Variants in TBC1D32 observed in about 807,000 individuals in gnomAD.
TBC1D32 encodes the protein protein broad-minded.
Under a neutral mutation model 170.3 loss-of-function variants are expected in TBC1D32, and 151 were observed. The observed-to-expected ratio is 0.89, with a 90% CI of 0.78 to 1.01. TBC1D32 has a LOEUF of 1.01. TBC1D32 is among the 50% of genes least tolerant of loss of function. The pLI is 0.00. For synonymous variants in TBC1D32, 498 were observed against 488.0 expected (o/e 1.02, Z -0.27); for missense variants, 1,464 against 1,457.1 (o/e 1.00, Z -0.08).
intron 3 of TBC1D32, among the ~76,000 whole-genome samples, chr6:121,315,918 T>C (rs1054072624): frequency 2.0e-5 from 3 of 152,136 alleles, no homozygotes; most frequent in African/African-American, 4.8e-5. Flanking sequence ...ATACCATGCC[T>C]TCTTGATGGG....
intron 3 of TBC1D32, among the ~76,000 whole-genome samples, chr6:121,314,052 T>C (rs1318782342): frequency 6.6e-6 from 1 of 152,030 alleles, no homozygotes; most frequent in African/African-American, 2.4e-5. Context: ...TCAAGAAAAA[T>C]CTTACTGGAA....
chr6:121,212,541 G>C (rs957876590), intron 21 of TBC1D32, among the ~76,000 whole-genome samples: 11 of 141,832 alleles, frequency 7.8e-5, no homozygotes, highest in Non-Finnish European at 1.5e-4. Flanking sequence ...TGCAATCTCT[G>C]CCTCCCAGGT....
At chr6:121,144,207 T>C (rs1330412123) in intron 24 of TBC1D32, among the ~76,000 whole-genome samples, 1 of 152,174 alleles carries the variant, frequency 6.6e-6, no homozygotes, top group Non-Finnish European at 1.5e-5. Context: ...CTTAAGATAG[T>C]ACTACACTCC....
At chr6:121,284,339 G>C (rs1332901792) in intron 12 of TBC1D32, among the ~76,000 whole-genome samples, 1 of 152,070 alleles carries the variant, frequency 6.6e-6, no homozygotes, top group East Asian at 1.9e-4. Context: ...AAATATTTTA[G>C]ATTTTGTGGC....
intron 24 of TBC1D32, among the ~76,000 whole-genome samples, chr6:121,151,471 T>C (rs531001189): frequency 6.6e-6 from 1 of 152,218 alleles, no homozygotes; most frequent in Admixed American, 6.5e-5. Flanking sequence ...GAAGAATGTA[T>C]ATTCTGTTGA....
chr6:121,275,340 T>G (rs1251504671), intron 15 of TBC1D32, among the ~76,000 whole-genome samples: 1 of 152,198 alleles, frequency 6.6e-6, no homozygotes, highest in African/African-American at 2.4e-5. Flanking sequence ...GAACTGCTAC[T>G]TTTTATAATA....
chr6:121,287,022 C>A (rs1188674959), intron 12 of TBC1D32, among the ~76,000 whole-genome samples: 3 of 152,130 alleles, frequency 2.0e-5, no homozygotes, highest in Non-Finnish European at 4.4e-5. Flanking sequence ...TGGAAAGGAA[C>A]AACCGGTACC....
At chr6:121,282,508 T>C (rs989703542) in intron 13 of TBC1D32, among the ~76,000 whole-genome samples, 2 of 151,772 alleles carry the variant, frequency 1.3e-5, no homozygotes, top group African/African-American at 4.8e-5. Flanking sequence ...CAATATTCCA[T>C]AGTCAATAAA....
chr6:121,181,055 G>T (rs1436337118), intron 22 of TBC1D32, among the ~76,000 whole-genome samples: 2 of 152,108 alleles, frequency 1.3e-5, no homozygotes, highest in Non-Finnish European at 2.9e-5. Flanking sequence ...TTTCACTTCA[G>T]TTGGAATGGC....
Position 121,279,206 on chromosome 6 carries a change from C to T in TBC1D32, c.1648G>A (p.Ala550Thr), listed in dbSNP as rs1316969250. Reference sequence around the variant, plus strand: ...GATGCAATTCTTGCCAAAATACCAGCTATATGAATTAAAGCTGTCTCAGAG... The same window carrying T: ...GATGCAATTCTTGCCAAAATACCAGTTATATGAATTAAAGCTGTCTCAGAG... ...NCSETALIHIAGILARIASVE... is the reference protein window; with the variant it reads ...NCSETALIHITGILARIASVE... Residue 550 changes from alanine (A) to threonine (T), a missense_variant, in exon 15 of 32, where the codon GCT becomes ACT. Ala to Thr is a moderately conservative substitution (Grantham distance 58). This residue lies in a region of TBC1D32 where 1,363 missense variants were observed against 1,338.1 expected (regional missense o/e 1.02). Transcript: ENST00000398212. 1.2e-6 allele frequency: 2 copies of T among 1,611,372 alleles called. No homozygotes were observed. The highest frequency in any genetic ancestry group is 1.7e-6 in the Non-Finnish European group (2 of 1,178,870).
chr6:121,326,119 A>T (rs1379821795), intron 1 of TBC1D32, among the ~76,000 whole-genome samples: 1 of 152,222 alleles, frequency 6.6e-6, no homozygotes, highest in Non-Finnish European at 1.5e-5. Context: ...TCTGTAAGCA[A>T]CACAAAGGAT....
At chr6:121,263,423 G>A (rs1049200637) in intron 15 of TBC1D32, among the ~76,000 whole-genome samples, 1 of 152,128 alleles carries the variant, frequency 6.6e-6, no homozygotes, top group Non-Finnish European at 1.5e-5. Flanking sequence ...CAATATAGGA[G>A]CACCCAGTTT....
At chr6:121,146,012 G>A (rs1321873102) in intron 24 of TBC1D32, among the ~76,000 whole-genome samples, 1 of 152,184 alleles carries the variant, frequency 6.6e-6, no homozygotes, top group African/African-American at 2.4e-5. Flanking sequence ...AGCCTTGAAA[G>A]TAAACAAAGC....
chr6:121,132,677 T>C (rs1432492966), intron 24 of TBC1D32, among the ~76,000 whole-genome samples: 2 of 151,990 alleles, frequency 1.3e-5, no homozygotes, highest in Non-Finnish European at 2.9e-5. Flanking sequence ...TTTCTGCACA[T>C]AAACTGAAGA....
chr6:121,180,893 GATA>G lies in TBC1D32; in HGVS notation c.2571-19840_2571-19838del, dbSNP rs1788418589. Among the ~76,000 whole-genome samples, 5 of 151,896 alleles carry G rather than the reference GATA, an allele frequency of 3.3e-5. No individual in the cohort carries two copies. The South Asian group carries it at 1.0e-3, about 32-fold the overall frequency. On this transcript the variant is annotated intron_variant, in intron 22 of 31. Coordinates refer to ENST00000398212, the MANE Select transcript of TBC1D32 (RefSeq NM_152730.6). ...TTCAAACAACTCAGTAACAAATAAT[GATA>G]ATAATAATAACCCAATTTAAAAATG...
intron 25 of TBC1D32, chr6:121,129,991 T>A (rs1221373466): frequency 7.3e-6 from 3 of 408,444 alleles, no homozygotes; most frequent in Admixed American, 3.4e-5. Context: ...AACTTAAATA[T>A]AACCAAAGGT....
In TBC1D32 at chr6:121,106,197, A is replaced by G. The variant is rs370850333; in HGVS notation, c.3325-34T>C. On this transcript the variant is annotated intron_variant, in intron 29 of 31. Transcript: ENST00000398212. ...AAGAGAAAAATTAAAAATTTTATTA[A>G]TTTTATTATTTAATAAATATAGATC... 734 of 1,241,972 alleles carry G rather than the reference A, an allele frequency of 5.9e-4. 6 individuals carry two copies. Among genetic ancestry groups the G allele is most frequent in the Middle Eastern group, 2.9e-4 (1 of 3,398 alleles). The allele number at this position is 1,241,972 out of a possible 1,614,324, so 76.9% of individuals were successfully genotyped here.
chr6:121,086,426 G>A (rs925912105), intron 31 of TBC1D32, among the ~76,000 whole-genome samples: 1 of 152,034 alleles, frequency 6.6e-6, no homozygotes, highest in Non-Finnish European at 1.5e-5. Context: ...TAAATATTAT[G>A]TATACTTTTA....
At chr6:121,108,199 T>C (rs576433966) in intron 29 of TBC1D32, among the ~76,000 whole-genome samples, 16 of 152,240 alleles carry the variant, frequency 1.1e-4, no homozygotes, top group African/African-American at 3.8e-4. Context: ...ATTTCATGCC[T>C]CTATTTTACA....
Sources: allele counts gnomAD v4.1 joint callset (sites outside exome capture counted in the v4.1 genomes callset), GRCh38; gene constraint gnomAD v4.1.1; regional missense constraint gnomAD v4.1.1; transcripts MANE v1.5; gene names NCBI Gene and HGNC (gene_info 2026-07-23, HGNC 2026-07-21).